THRAP3: variants seen among roughly 807,000 people sequenced by gnomAD.
THRAP3 encodes thyroid hormone receptor-associated protein 3.
In THRAP3, 16 loss-of-function variants were observed where a neutral mutation model predicts 101.0. The ratio of observed to expected loss-of-function variants is 0.16; its 90% CI spans 0.11 to 0.24. The LOEUF is 0.24. Among genes scored for constraint, THRAP3 ranks in the 10% least tolerant of loss-of-function variants. THRAP3 has a pLI of 1.00. For missense variants in THRAP3, 989 were observed against 1,202.7 expected (o/e 0.82, Z 2.63); for synonymous variants, 407 against 422.6 (o/e 0.96, Z 0.45).
the THRAP3 span, among the ~76,000 whole-genome samples, chr1:36,214,030 GAAAGAAAGAAAGAAAGAA>G: frequency 7.1e-6 from 1 of 141,044 alleles, no homozygotes; most frequent in Admixed American, 7.0e-5. Context: ...AAGAAAGAAA[GAAAGAAAGAAAGAAAGAA>G]AGAAAGAAAG....
In THRAP3 at chr1:36,286,553, G is replaced by A. The variant is rs1221480061; in HGVS notation, c.323G>A (p.Arg108His). The A allele has an allele frequency of 6.8e-6, 11 of 1,613,938 alleles. No individual in the cohort carries two copies. Among genetic ancestry groups the A allele is most frequent in the Non-Finnish European group, 9.3e-6 (11 of 1,180,022 alleles). The change falls in exon 4 of 12, where the codon CGC becomes CAC. Residue 108 changes from arginine to histidine, a missense_variant. Physicochemically the swap from Arg to His is conservative, Grantham distance 29. Transcript: ENST00000354618. This position sits in a 1 kb window ranked among gnomAD's most constrained non-coding sequence, Gnocchi z 5.5. The part of the protein sequence containing the change: ...QYNRGGYGNY[R>H]SNWQNYRQAY... ...AACCGAGGAGGCTATGGAAACTACC[G>A]CTCAAATTGGCAGAATTACCGGCAA... is the stretch of plus-strand genomic sequence containing the variant.
chr1:36,297,900 A>G (rs1645973188), intron 9 of THRAP3, among the ~76,000 whole-genome samples: 1 of 150,196 alleles, frequency 6.7e-6, no homozygotes, highest in South Asian at 2.1e-4. Flanking sequence ...TAATCCCAGC[A>G]CTTTGGGAGG....
At chr1:36,252,823 C>T (rs933186247) in intron 1 of THRAP3, among the ~76,000 whole-genome samples, 25 of 151,226 alleles carry the variant, frequency 1.7e-4, no homozygotes, top group African/African-American at 5.8e-4. Flanking sequence ...ACAAGAATCT[C>T]TTGAACCCGG....
In THRAP3 at chr1:36,292,256, C is replaced by CTTTTT. The variant is rs1209163379; in HGVS notation, c.1919-339_1919-338insTTTTT. On this transcript the variant is annotated intron_variant, in intron 6 of 11. Coordinates refer to ENST00000354618, the MANE Select transcript of THRAP3 (RefSeq NM_005119.4). ...CTGCCTTTGGTAACATAATGTGTTTCTTTGTTTCTTTTTTTTTTTTTTTTT... is the reference window on the plus strand; with the variant it reads ...CTGCCTTTGGTAACATAATGTGTTTCTTTTTTTTGTTTCTTTTTTTTTTTTTTTTT... Among the ~76,000 whole-genome samples, 31 of 54,564 alleles carry CTTTTT rather than the reference C, an allele frequency of 5.7e-4. 6 individuals carry two copies. The highest frequency in any genetic ancestry group is 2.7e-3 in the East Asian group (3 of 1,102). 35.8% of individuals were successfully genotyped at this position (54,564 alleles called of 152,430 possible). A position where few individuals can be genotyped will look rare whatever the true frequency, so the allele number is the denominator to read the frequency against.
At chr1:36,232,851 T>C (rs1197959342) in intron 1 of THRAP3, among the ~76,000 whole-genome samples, 1 of 150,960 alleles carries the variant, frequency 6.6e-6, no homozygotes, top group South Asian at 2.1e-4. Context: ...TTACACAGTA[T>C]GTTTTGTCAA....
chr1:36,292,855 T>A (rs1436950575), intron 7 of THRAP3, 146 bp downstream of exon 7: 2 of 607,202 alleles, frequency 3.3e-6, no homozygotes, highest in East Asian at 2.9e-5. Context: ...CTATAGGCAT[T>A]TATATTTGAG....
At chr1:36,244,606 A>C (rs553714007) in intron 1 of THRAP3, among the ~76,000 whole-genome samples, 1 of 152,160 alleles carries the variant, frequency 6.6e-6, no homozygotes, top group South Asian at 2.1e-4. Context: ...GTTGAATGCC[A>C]TGTATGTGTA....
chr1:36,300,573 C>T (rs1270194117), intron 9 of THRAP3, among the ~76,000 whole-genome samples: 1 of 152,134 alleles, frequency 6.6e-6, no homozygotes. Flanking sequence ...TTTCCTTCTC[C>T]CTTATTAATT....
At chr1:36,264,020 A>G (rs1254532419) in intron 2 of THRAP3, among the ~76,000 whole-genome samples, 2 of 152,214 alleles carry the variant, frequency 1.3e-5, no homozygotes, top group African/African-American at 4.8e-5. Context: ...CTGTGTAGGA[A>G]GATACCTGAT....
chr1:36,287,118 G>A lies in THRAP3; in HGVS notation c.888G>A (p.Gly296=). 1 of 1,614,130 alleles carries A rather than the reference G, an allele frequency of 6.2e-7. No homozygotes were observed. Among genetic ancestry groups the A allele is most frequent in the South Asian group, 1.1e-5 (1 of 91,084 alleles). ...TLPSGAGYQS[G]THQGQFDHGS... ...CGAGTGGTGCCGGGTATCAGTCTGG[G>A]ACACACCAAGGTCAGTTCGACCATG... Residue 296 remains glycine, a synonymous_variant, in exon 4 of 12, where the codon GGG becomes GGA. Transcript: ENST00000354618.
At position 36,304,519 on chromosome 1, in the gene THRAP3, T is replaced by A. The variant is rs944702117; in HGVS notation, c.*502T>A. 4.4e-6 allele frequency: 1 copy of A among 228,312 alleles called. No homozygotes were observed. The highest frequency in any genetic ancestry group is 2.2e-5 in the African/African-American group (1 of 44,938). 14.1% of individuals were successfully genotyped at this position (228,312 alleles called of 1,614,324 possible). A position where few individuals can be genotyped will look rare whatever the true frequency, so the allele number is the denominator to read the frequency against. On this transcript the variant is annotated 3_prime_UTR_variant, in exon 12 of 12. Transcript: ENST00000354618. Reference sequence around the variant, plus strand: ...AACATTTAATTTGGGAAACTTTGATTCTTGAAAGAGAAAACAAAAGCATGT... The same window carrying A: ...AACATTTAATTTGGGAAACTTTGATACTTGAAAGAGAAAACAAAAGCATGT...
At chr1:36,292,264 C>CTTTTTTTT (rs774003081) in intron 6 of THRAP3, among the ~76,000 whole-genome samples, 10 of 20,568 alleles carry the variant, frequency 4.9e-4, no homozygotes, top group African/African-American at 1.3e-3. Flanking sequence ...TTCTTTGTTT[C>CTTTTTTTT]TTTTTTTTTT....
At position 36,276,523 on chromosome 1, in the gene THRAP3, CAAA is replaced by C. The variant is rs35609256; in HGVS notation, c.-31-5994_-31-5992del. Among the ~76,000 whole-genome samples the C allele has an allele frequency of 4.5e-3, 512 of 112,736 alleles. 5 individuals are homozygous for C. The highest frequency in any genetic ancestry group is 0.014 in the African/African-American group (401 of 28,600). The allele number at this position is 112,736 out of a possible 152,430, so 74.0% of individuals were successfully genotyped here. A position where few individuals can be genotyped will look rare whatever the true frequency, so the allele number is the denominator to read the frequency against. On this transcript the variant is annotated intron_variant, in intron 2 of 11. Coordinates refer to ENST00000354618, the MANE Select transcript of THRAP3 (RefSeq NM_005119.4). ...TGGGCAACAGAGCCAGACTCTGTCT[CAAA>C]AAAAAAAAAAAAAAAGGTGCTTCAA...
At chr1:36,213,947 GAA>G in the THRAP3 span, among the ~76,000 whole-genome samples, 3 of 118,988 alleles carry the variant, frequency 2.5e-5, no homozygotes, top group African/African-American at 3.8e-5. Flanking sequence ...AAGAAAGAAA[GAA>G]AGAAAGAAAG....
chr1:36,240,606 G>A (rs1645143700), intron 1 of THRAP3, among the ~76,000 whole-genome samples: 1 of 152,112 alleles, frequency 6.6e-6, no homozygotes, highest in Non-Finnish European at 1.5e-5. Context: ...ACGTACCCAG[G>A]AACATTGCCT....
At chr1:36,271,375 C>T (rs55912857) in intron 2 of THRAP3, among the ~76,000 whole-genome samples, 12,803 of 151,980 alleles carry the variant, frequency 0.084, 759 homozygotes, top group Middle Eastern at 0.23. Flanking sequence ...CTCCGCCTCC[C>T]GGGTTCAAGC....
At chr1:36,261,019 A>G (rs542550203) in intron 2 of THRAP3, among the ~76,000 whole-genome samples, 2 of 152,082 alleles carry the variant, frequency 1.3e-5, no homozygotes, top group East Asian at 3.9e-4. Context: ...CTTAGTTTCT[A>G]TGTCTTTATC....
chr1:36,299,490 G>A (rs1310916752), intron 9 of THRAP3, among the ~76,000 whole-genome samples: 1 of 151,380 alleles, frequency 6.6e-6, no homozygotes, highest in East Asian at 2.0e-4. Flanking sequence ...CCTTTTGAGA[G>A]TCTTTTTTTT....
intron 2 of THRAP3, among the ~76,000 whole-genome samples, chr1:36,266,067 T>C (rs1385245600): frequency 1.3e-5 from 2 of 151,670 alleles, no homozygotes; most frequent in East Asian, 1.9e-4. Context: ...GGTAGGGGAA[T>C]TGCTTGAACC....
Sources: allele counts gnomAD v4.1 joint callset (sites outside exome capture counted in the v4.1 genomes callset), GRCh38; gene constraint gnomAD v4.1.1; non-coding constraint Gnocchi (gnomAD v3.1); transcripts MANE v1.5; gene names NCBI Gene and HGNC (gene_info 2026-07-23, HGNC 2026-07-21).